Variants in PABPN1L observed in about 807,000 individuals in gnomAD.
The protein encoded by PABPN1L is PABPN1 like, cytoplasmic.
PABPN1L carries 45 observed loss-of-function variants against 34.0 expected under a neutral mutation model. The observed-to-expected ratio is 1.32, with a 90% CI of 1.04 to 1.70. The LOEUF is 1.70. Ranked by LOEUF, PABPN1L falls within the 40% of genes most tolerant of loss-of-function variation. The pLI, the probability that PABPN1L is intolerant of heterozygous loss-of-function variation, is 0.00. For missense variants in PABPN1L, 459 were observed against 367.8 expected, an observed-to-expected ratio of 1.25 and a Z score of -2.03; for synonymous variants, 182 against 152.1, an observed-to-expected ratio of 1.20 and a Z score of -1.45.
At chr16:88,867,609 CGGCGTGAGTTAT>C (rs1456179127), upstream of PABPN1L, among the ~76,000 whole-genome samples, 1 of 151,332 alleles carries the variant, frequency 6.6e-6, no homozygotes, top group African/African-American at 2.4e-5. Flanking sequence ...TGGGGAGTGA[CGGCGTGAGTTAT>C]TGTGGGGCGG....
At chr16:88,865,428 T>C (rs1968567595) in intron 3 of PABPN1L, 135 bp downstream of exon 3, 1 of 1,133,378 alleles carries the variant, frequency 8.8e-7, no homozygotes, top group African/African-American at 1.6e-5. Context: ...CAGTGTTTCC[T>C]CAAGGTGACG....
upstream of PABPN1L, among the ~76,000 whole-genome samples, chr16:88,868,904 G>T (rs1382718460): frequency 6.6e-6 from 1 of 152,140 alleles, no homozygotes; most frequent in Non-Finnish European, 1.5e-5. Flanking sequence ...GTGAGCGGAG[G>T]GTAACGTTAG....
chr16:88,865,455 C>G, intron 3 of PABPN1L, 108 bp downstream of exon 3: 2 of 1,405,222 alleles, frequency 1.4e-6, no homozygotes, highest in Non-Finnish European at 1.9e-6. Flanking sequence ...CCCCCAGGGT[C>G]AGACCCCCTT....
chr16:88,866,647 C>T (rs1003983957), upstream of PABPN1L: 5 of 1,492,412 alleles, frequency 3.4e-6, no homozygotes, highest in African/African-American at 1.4e-5. Context: ...CGAGGCCTCC[C>T]CTCCACTCCC....
chr16:88,864,648 A>G (rs1379803430), intron 5 of PABPN1L, among the ~76,000 whole-genome samples: 1 of 147,228 alleles, frequency 6.8e-6, no homozygotes. Flanking sequence ...CCCGCCCGAG[A>G]GGGGACACTT....
exon 1 of PABPN1L, chr16:88,866,477 C>A: frequency 6.4e-7 from 1 of 1,551,496 alleles, no homozygotes; most frequent in South Asian, 1.2e-5. Flanking sequence ...CCTTCCCCAC[C>A]CTCTGGCCCC....
At chr16:88,863,520 T>C in exon 7 of PABPN1L, 1 of 621,074 alleles carries the variant, frequency 1.6e-6, no homozygotes, top group Non-Finnish European at 2.9e-6. Flanking sequence ...GTGGGGCCCA[T>C]GCCAGGCTCA....
At position 88,865,627 on chromosome 16, in the gene PABPN1L, C is replaced by T. The variant is rs765453513; in HGVS notation, c.395G>A (p.Cys132Tyr). 4 of 1,607,214 alleles carry T rather than the reference C, an allele frequency of 2.5e-6. No individual in the cohort carries two copies. Among genetic ancestry groups the T allele is most frequent in the Admixed American group, 1.7e-5 (1 of 59,362 alleles). ...CTCCTCGGGGGTCCCAGAGAGGGGG[C>T]AGCCTGCGGAGAACACAGCTCAGGC... The change falls in exon 3 of 7, where the codon TGC (cysteine) becomes TAC (tyrosine). Residue 132 changes from cysteine (C) to tyrosine (Y), a missense_variant. Cys to Tyr is a radical substitution (Grantham distance 194). Coordinates refer to ENST00000419291, the Ensembl canonical transcript of PABPN1L.
rs1567563944 is a variant in PABPN1L at position 88,864,941 on chromosome 16, CTG to C, written c.567-3_567-2del. On this transcript the variant is annotated splice_acceptor_variant and splice_polypyrimidine_tract_variant and intron_variant, in intron 4 of 6. Coordinates refer to ENST00000419291, the Ensembl canonical transcript of PABPN1L. LOFTEE classifies it high-confidence loss of function. ...GGTGGCAAACTCTATGTAGGCATAA[CTG>C]AGGGGAGGGGCAGGGAGGGGAGGGG... The C allele has an allele frequency of 9.4e-7, 1 of 1,060,338 alleles. No individual in the cohort carries two copies. Among genetic ancestry groups the C allele is most frequent in the Non-Finnish European group, 1.4e-6 (1 of 732,780 alleles). 65.7% of individuals were successfully genotyped at this position (1,060,338 alleles called of 1,614,324 possible).
At chr16:88,865,077 C>A (rs866883496) in exon 4 of PABPN1L, 1 of 1,594,832 alleles carries the variant, frequency 6.3e-7, no homozygotes, top group East Asian at 2.3e-5. Context: ...TGGACCTCCC[C>A]ACAGCGGCTG....
exon 6 of PABPN1L, chr16:88,864,331 C>G: frequency 1.3e-6 from 2 of 1,555,466 alleles, no homozygotes; most frequent in Non-Finnish European, 1.7e-6. Flanking sequence ...CGAAGGCCCC[C>G]GCGGTCTGTG....
intron 6 of PABPN1L, among the ~76,000 whole-genome samples, 196 bp from the exon 7 acceptor site, chr16:88,863,991 C>A (rs1392565215): frequency 6.6e-6 from 1 of 152,210 alleles, no homozygotes; most frequent in Non-Finnish European, 1.5e-5. Flanking sequence ...GCCAGGAGAG[C>A]CCCTTGGGGC....
chr16:88,863,902 G>A lies in PABPN1L; in HGVS notation c.798-107C>T, dbSNP rs1223753664. The A allele has an allele frequency of 1.9e-5, 23 of 1,186,018 alleles. No homozygotes were observed. The East Asian group carries it at 5.6e-4, about 29-fold the overall frequency. The allele number at this position is 1,186,018 out of a possible 1,614,324, so 73.5% of individuals were successfully genotyped here. A position where few individuals can be genotyped will look rare whatever the true frequency, so the allele number is the denominator to read the frequency against. ...AAGGATGCAGGGAGGTCACCTGGCT[G>A]CTCAGGCAATGCCCCAGGGGCCTTT... On this transcript the variant is annotated intron_variant, in intron 6 of 6. Transcript: ENST00000419291.
Position 88,865,960 on chromosome 16 carries a change from G to A in PABPN1L, c.256-19C>T. On this transcript the variant is annotated intron_variant, in intron 1 of 6. Coordinates refer to ENST00000419291, the Ensembl canonical transcript of PABPN1L. ...CCAGCTCCTGCCGACACACGGCCCT[G>A]AGCCGGGCAGGCAGCCTGCAGGCTC... 1 of 1,599,262 alleles carries A rather than the reference G, an allele frequency of 6.3e-7. No individual in the cohort carries two copies. Among genetic ancestry groups the A allele is most frequent in the Non-Finnish European group, 8.5e-7 (1 of 1,176,718 alleles).
At chr16:88,865,271 G>A in intron 3 of PABPN1L, 143 bp from the exon 4 acceptor site, 3 of 872,064 alleles carry the variant, frequency 3.4e-6, no homozygotes, top group Non-Finnish European at 3.5e-6. Context: ...CCCCGCTGGG[G>A]TTGGAGGGAA....
At chr16:88,863,619 G>T (rs933808738) in exon 7 of PABPN1L, 2 of 1,120,170 alleles carry the variant, frequency 1.8e-6, no homozygotes, top group Non-Finnish European at 2.6e-6. Flanking sequence ...CGCCAAGAGG[G>T]GGCCAGTGGC....
upstream of PABPN1L, among the ~76,000 whole-genome samples, chr16:88,868,732 C>T (rs536478569): frequency 6.6e-6 from 1 of 152,258 alleles, no homozygotes; most frequent in South Asian, 2.1e-4. Context: ...GGTAGCGTTC[C>T]TTTGAATCTC....
intron 5 of PABPN1L, 136 bp from the exon 6 acceptor site, chr16:88,864,515 C>G (rs1423265221): frequency 7.8e-7 from 1 of 1,284,792 alleles, no homozygotes; most frequent in African/African-American, 1.5e-5. Flanking sequence ...GGGTTCCCTG[C>G]CTTTGCCTAC....
At position 88,864,849 on chromosome 16, in the gene PABPN1L, G is replaced by A. The variant is rs944663111; in HGVS notation, c.654+4C>T. 8.8e-6 allele frequency: 14 copies of A among 1,598,422 alleles called. No individual in the cohort carries two copies. In the East Asian group the frequency reaches 9.1e-5, roughly 10 times the overall value. On this transcript the variant is annotated splice_donor_region_variant and intron_variant, in intron 5 of 6. Transcript: ENST00000419291. Reference sequence around the variant, plus strand: ...GTTCCTGGACCTGGGGAGCACCGGCGCACCTTGATGACCCGGCCCCGGAAG... The same window carrying A: ...GTTCCTGGACCTGGGGAGCACCGGCACACCTTGATGACCCGGCCCCGGAAG...
Sources: allele counts gnomAD v4.1 joint callset (sites outside exome capture counted in the v4.1 genomes callset), GRCh38; gene constraint gnomAD v4.1.1; transcripts MANE v1.5; gene names NCBI Gene and HGNC (gene_info 2026-07-23, HGNC 2026-07-21).